The following SYN3 variants were observed in gnomAD, a reference collection of about 807,000 sequenced individuals.
SYN3 encodes the protein synapsin-3.
Under a neutral mutation model 65.8 loss-of-function variants are expected in SYN3, and 35 were observed. That is an observed-to-expected ratio of 0.53 (90% CI 0.41 to 0.70). SYN3 has a LOEUF of 0.70. Ranked by LOEUF, SYN3 falls within the 30% of genes least tolerant of loss-of-function variation. The pLI, the probability that SYN3 is intolerant of heterozygous loss-of-function variation, is 0.00. For missense variants in SYN3, 680 were observed against 749.0 expected (o/e 0.91, Z 1.08); for synonymous variants, 270 against 292.9 (o/e 0.92, Z 0.80).
chr22:32,533,315 C>T (rs1033318764), intron 10 of SYN3, among the ~76,000 whole-genome samples: 1 of 152,106 alleles, frequency 6.6e-6, no homozygotes, highest in Non-Finnish European at 1.5e-5. Flanking sequence ...AGCCTGCACA[C>T]CCCATGTCTA....
At chr22:32,954,055 C>T (rs746719254) in intron 3 of SYN3, among the ~76,000 whole-genome samples, 30 of 152,018 alleles carry the variant, frequency 2.0e-4, no homozygotes, top group Non-Finnish European at 3.8e-4. Context: ...TCCTGATAGT[C>T]GCCCCTTCCT....
chr22:32,756,387 C>T (rs2413148), intron 6 of SYN3, among the ~76,000 whole-genome samples: 128,006 of 152,162 alleles, frequency 0.84, 54,248 homozygotes, highest in African/African-American at 0.94. Context: ...CAAACCTGCA[C>T]GTTGTGCACA....
At chr22:32,517,892 T>C in intron 13 of SYN3, 151 bp downstream of exon 13, 1 of 821,906 alleles carries the variant, frequency 1.2e-6, no homozygotes, top group East Asian at 3.0e-5. Flanking sequence ...CCCAGCAAAT[T>C]CTGTCCTCTA....
intron 7 of SYN3, among the ~76,000 whole-genome samples, chr22:32,569,136 G>T (rs1199712842): frequency 6.6e-6 from 1 of 152,066 alleles, no homozygotes; most frequent in African/African-American, 2.4e-5. Context: ...TCTTTCTGGG[G>T]TTCAATTTCC....
intron 6 of SYN3, among the ~76,000 whole-genome samples, chr22:32,753,551 G>A (rs1037215596): frequency 2.6e-5 from 4 of 152,166 alleles, no homozygotes; most frequent in Admixed American, 6.5e-5. Flanking sequence ...GACCTTCACT[G>A]GCTCCCCACG....
At chr22:32,938,181 G>A (rs1357860870) in intron 3 of SYN3, among the ~76,000 whole-genome samples, 2 of 152,160 alleles carry the variant, frequency 1.3e-5, no homozygotes, top group East Asian at 3.9e-4. Context: ...AGCTTCTTGT[G>A]AGAAAATAGA....
chr22:32,543,875 A>C (rs2058297292), intron 7 of SYN3, among the ~76,000 whole-genome samples: 1 of 152,210 alleles, frequency 6.6e-6, no homozygotes, highest in Admixed American at 6.5e-5. Context: ...ATCTTGGGCC[A>C]TGAGATGGAA....
chr22:33,032,769 A>C (rs1319599524), intron 1 of SYN3, among the ~76,000 whole-genome samples: 1 of 152,162 alleles, frequency 6.6e-6, no homozygotes, highest in African/African-American at 2.4e-5. Context: ...CTGCCAACTA[A>C]AGAATCTCTA....
At position 32,789,410 on chromosome 22, in the gene SYN3, C is replaced by T. The variant is rs150131608; in HGVS notation, c.711+75505G>A. On this transcript the variant is annotated intron_variant, in intron 6 of 13. Transcript: ENST00000358763. ...ACCGATCATATTCCTACTTGACATG[C>T]TAAGACAATCAGAGGACTCCATATT... 1.9e-3 allele frequency among the ~76,000 whole-genome samples: 294 copies of T among 152,248 alleles called. 2 individuals carry two copies. Among genetic ancestry groups the T allele is most frequent in the Middle Eastern group, 0.01 (3 of 294 alleles).
At chr22:32,814,366 A>AAGAAAGG (rs2047033818) in intron 6 of SYN3, among the ~76,000 whole-genome samples, 1 of 89,676 alleles carries the variant, frequency 1.1e-5, no homozygotes, top group Non-Finnish European at 2.5e-5. Flanking sequence ...AGAAAGAAAG[A>AAGAAAGG]AAGAAAGAGA....
intron 2 of SYN3, among the ~76,000 whole-genome samples, chr22:33,003,940 C>T (rs780603560): frequency 6.6e-6 from 1 of 152,226 alleles, no homozygotes; most frequent in Non-Finnish European, 1.5e-5. Flanking sequence ...GTCGCAGCCA[C>T]TTCAGCTGTG....
chr22:32,997,314 G>C (rs1006213148), intron 2 of SYN3, among the ~76,000 whole-genome samples: 4 of 152,204 alleles, frequency 2.6e-5, no homozygotes, highest in African/African-American at 9.6e-5. Flanking sequence ...AGATGATGAT[G>C]CAGACACGAC....
chr22:32,528,491 C>T (rs1368843512), intron 11 of SYN3, among the ~76,000 whole-genome samples: 2 of 152,128 alleles, frequency 1.3e-5, no homozygotes, highest in African/African-American at 2.4e-5. Flanking sequence ...TGACTGGTTC[C>T]CTGGGAGCAC....
chr22:33,024,992 G>T (rs2053616106), intron 1 of SYN3, among the ~76,000 whole-genome samples: 1 of 152,206 alleles, frequency 6.6e-6, no homozygotes, highest in South Asian at 2.1e-4. Flanking sequence ...TCTCATCTCA[G>T]ACAGGTAAGT....
At chr22:32,536,322 C>T (rs1473576095) in intron 9 of SYN3, among the ~76,000 whole-genome samples, 1 of 152,196 alleles carries the variant, frequency 6.6e-6, no homozygotes, top group Non-Finnish European at 1.5e-5. Context: ...TGGCAGCTGC[C>T]CCCTGGGGTT....
At chr22:32,757,288 T>C (rs904259208) in intron 6 of SYN3, among the ~76,000 whole-genome samples, 43 of 131,712 alleles carry the variant, frequency 3.3e-4, no homozygotes, top group African/African-American at 1.2e-3. Context: ...TTTGGGCTCC[T>C]CCTACCTTTT....
chr22:32,765,065 G>C (rs2045588763), intron 6 of SYN3, among the ~76,000 whole-genome samples: 1 of 145,124 alleles, frequency 6.9e-6, no homozygotes, highest in South Asian at 2.2e-4. Flanking sequence ...GAGGGTCTTT[G>C]AGACCTCGCC....
At chr22:32,532,010 CT>C (rs1407653160) in intron 10 of SYN3, among the ~76,000 whole-genome samples, 1 of 146,762 alleles carries the variant, frequency 6.8e-6, no homozygotes, top group African/African-American at 2.5e-5. Context: ...TTTTTTTTCC[CT>C]AAGACTGAAA....
At chr22:32,686,590 A>ATTTTTTTT (rs149862418) in intron 6 of SYN3, among the ~76,000 whole-genome samples, 1 of 72,338 alleles carries the variant, frequency 1.4e-5, no homozygotes, top group Non-Finnish European at 2.4e-5. Context: ...CTGCTCCTCC[A>ATTTTTTTT]TTTTTTTTTT....
Sources: allele counts gnomAD v4.1 joint callset (sites outside exome capture counted in the v4.1 genomes callset), GRCh38; gene constraint gnomAD v4.1.1; transcripts MANE v1.5; gene names NCBI Gene and HGNC (gene_info 2026-07-23, HGNC 2026-07-21).